Variants in ZSWIM6 observed in about 807,000 individuals in gnomAD.
The protein encoded by ZSWIM6 is zinc finger SWIM-type containing 6.
ZSWIM6 carries 9 observed loss-of-function variants against 113.2 expected under a neutral mutation model. The observed-to-expected ratio is 0.08, with a 90% CI of 0.05 to 0.14. ZSWIM6 has a LOEUF of 0.14. Ranked by LOEUF, ZSWIM6 falls within the 10% of genes least tolerant of loss-of-function variation. ZSWIM6 has a pLI of 1.00. For missense variants in ZSWIM6, 1,162 were observed against 1,552.2 expected (o/e 0.75, Z 4.22); for synonymous variants, 611 against 606.5 (o/e 1.01, Z -0.11).
intron 1 of ZSWIM6, among the ~76,000 whole-genome samples, chr5:61,380,804 A>G (rs1353559785): frequency 6.6e-6 from 1 of 152,230 alleles, no homozygotes. Flanking sequence ...TACTACAAGC[A>G]TAAAATCATT....
In ZSWIM6 at chr5:61,531,420, CA is replaced by C. The variant is rs750103963; in HGVS notation, c.1985-41del. The C allele has an allele frequency of 6.2e-5, 94 of 1,520,140 alleles. No homozygotes were observed. In the South Asian group the frequency reaches 9.5e-4, roughly 15 times the overall value. 94.2% of individuals were successfully genotyped at this position (1,520,140 alleles called of 1,614,324 possible). A position where few individuals can be genotyped will look rare whatever the true frequency, so the allele number is the denominator to read the frequency against. On this transcript the variant is annotated intron_variant, in intron 8 of 13. Coordinates refer to ENST00000252744, the MANE Select transcript of ZSWIM6 (RefSeq NM_020928.2). ...ATATTTGTACTTATCATATCATCTGCAAAAGTAGTTTCTGAGCTCTGATTTC... is the reference window on the plus strand; with the variant it reads ...ATATTTGTACTTATCATATCATCTGCAAAGTAGTTTCTGAGCTCTGATTTC...
At chr5:61,374,934 AT>A (rs200617575) in intron 1 of ZSWIM6, among the ~76,000 whole-genome samples, 21 of 151,780 alleles carry the variant, frequency 1.4e-4, no homozygotes, top group African/African-American at 4.6e-4. Context: ...GCCAACAGGA[AT>A]TTTTTTTTGG....
intron 1 of ZSWIM6, among the ~76,000 whole-genome samples, chr5:61,410,772 A>T (rs534221827): frequency 7.0e-4 from 107 of 152,330 alleles, no homozygotes; most frequent in African/African-American, 2.5e-3. Flanking sequence ...CATTTAATAC[A>T]TAGAATAGCC....
chr5:61,362,363 A>G (rs1745048369), intron 1 of ZSWIM6, among the ~76,000 whole-genome samples: 1 of 151,982 alleles, frequency 6.6e-6, no homozygotes, highest in Non-Finnish European at 1.5e-5. Flanking sequence ...CATGCTGGCT[A>G]ATTTTTGTAT....
At chr5:61,340,296 G>A (rs955714350) in intron 1 of ZSWIM6, among the ~76,000 whole-genome samples, 2 of 152,030 alleles carry the variant, frequency 1.3e-5, no homozygotes, top group African/African-American at 2.4e-5. Context: ...TTATGTCTGC[G>A]GAATTCGCTT....
chr5:61,403,703 C>G (rs945458858), intron 1 of ZSWIM6, among the ~76,000 whole-genome samples: 1 of 152,182 alleles, frequency 6.6e-6, no homozygotes, highest in Middle Eastern at 3.2e-3. Context: ...ATTCTGGAAT[C>G]GTACAAAATA....
At chr5:61,485,017 G>T (rs1481263117) in intron 2 of ZSWIM6, among the ~76,000 whole-genome samples, 1 of 152,160 alleles carries the variant, frequency 6.6e-6, no homozygotes, top group Admixed American at 6.5e-5. Context: ...CTTTAGAGTG[G>T]TTCTTAACTT....
Position 61,545,892 on chromosome 5 carries a change from T to A in ZSWIM6, c.*1575T>A, listed in dbSNP as rs1355253849. ...ATGTTTTGGTGCAAAAGTTGTCCAGTGTCTCTTGTTCCCTTCACTAGAGAA... is the reference window on the plus strand; with the variant it reads ...ATGTTTTGGTGCAAAAGTTGTCCAGAGTCTCTTGTTCCCTTCACTAGAGAA... On this transcript the variant is annotated 3_prime_UTR_variant, in exon 14 of 14. Transcript: ENST00000252744. 1.3e-5 allele frequency: 2 copies of A among 152,172 alleles called. No homozygotes were observed. Among genetic ancestry groups the A allele is most frequent in the Non-Finnish European group, 2.9e-5 (2 of 68,026 alleles). 9.4% of individuals were successfully genotyped at this position (152,172 alleles called of 1,614,324 possible). A position where few individuals can be genotyped will look rare whatever the true frequency, so the allele number is the denominator to read the frequency against.
At chr5:61,337,276 C>CT (rs1425024145) in intron 1 of ZSWIM6, among the ~76,000 whole-genome samples, 2 of 132,440 alleles carry the variant, frequency 1.5e-5, no homozygotes, top group South Asian at 2.5e-4. Context: ...GAGATTCCGT[C>CT]TCCCCCCCCA....
chr5:61,333,003 G>C (rs1490626400), intron 1 of ZSWIM6, 55 bp downstream of exon 1: 5 of 968,072 alleles, frequency 5.2e-6, no homozygotes, highest in Non-Finnish European at 6.5e-6. Context: ...CCTGGGTGGG[G>C]GGGGGGTGCC....
chr5:61,530,645 CTG>C (rs757831404), intron 8 of ZSWIM6, among the ~76,000 whole-genome samples: 5 of 152,262 alleles, frequency 3.3e-5, no homozygotes, highest in Middle Eastern at 3.4e-3. Flanking sequence ...TCATTTAAAA[CTG>C]TTTTATATCA....
intron 1 of ZSWIM6, among the ~76,000 whole-genome samples, chr5:61,363,391 A>C (rs947477224): frequency 6.6e-6 from 1 of 152,208 alleles, no homozygotes; most frequent in African/African-American, 2.4e-5. Context: ...ACCAGTTTTG[A>C]ATAGTAACAG....
intron 4 of ZSWIM6, among the ~76,000 whole-genome samples, chr5:61,502,956 G>A (rs1561267123): frequency 6.6e-6 from 1 of 151,994 alleles, no homozygotes; most frequent in African/African-American, 2.4e-5. Context: ...CACAAAGCCA[G>A]TCCCTGGTGC....
intron 9 of ZSWIM6, among the ~76,000 whole-genome samples, chr5:61,534,747 A>T (rs1375008513): frequency 1.3e-5 from 2 of 152,304 alleles, no homozygotes; most frequent in Non-Finnish European, 2.9e-5. Flanking sequence ...CAGCTCTGCC[A>T]CCACGCCTGT....
intron 12 of ZSWIM6, among the ~76,000 whole-genome samples, chr5:61,540,382 A>G (rs561685391): frequency 2.6e-5 from 4 of 152,288 alleles, no homozygotes; most frequent in South Asian, 4.1e-4. Context: ...CATTTTTCTC[A>G]TGGAATCTCT....
Position 61,332,542 on chromosome 5 carries a change from G to A in ZSWIM6, c.270G>A (p.Pro90=), listed in dbSNP as rs1198182243. 1 of 1,348,826 alleles carries A rather than the reference G, an allele frequency of 7.4e-7. No homozygotes were observed. Among genetic ancestry groups the A allele is most frequent in the Non-Finnish European group, 9.8e-7 (1 of 1,022,562 alleles). The allele number at this position is 1,348,826 out of a possible 1,614,324, so 83.6% of individuals were successfully genotyped here. ...IAARRVAEKW[P]FQRVEERFER... ...CGCGCAGGGTGGCGGAGAAGTGGCC[G>A]TTCCAGCGCGTGGAGGAGCGCTTTG... Residue 90 remains proline (P), a synonymous_variant, in exon 1 of 14, where the codon CCG becomes CCA. Coordinates refer to ENST00000252744, the MANE Select transcript of ZSWIM6 (RefSeq NM_020928.2).
At chr5:61,505,637 TCC>T (rs1362506406) in intron 4 of ZSWIM6, among the ~76,000 whole-genome samples, 4 of 100,338 alleles carry the variant, frequency 4.0e-5, no homozygotes, top group Admixed American at 2.7e-4. Context: ...CTTCCTTCCT[TCC>T]TTCCTTCCTT....
intron 4 of ZSWIM6, among the ~76,000 whole-genome samples, chr5:61,508,446 T>C (rs1239521656): frequency 6.6e-6 from 1 of 152,214 alleles, no homozygotes; most frequent in Non-Finnish European, 1.5e-5. Flanking sequence ...TTGTATTGCT[T>C]GACTTACAGC....
At chr5:61,411,272 T>C (rs1746144138) in intron 1 of ZSWIM6, among the ~76,000 whole-genome samples, 1 of 152,224 alleles carries the variant, frequency 6.6e-6, no homozygotes, top group Non-Finnish European at 1.5e-5. Flanking sequence ...AGTCTGTATT[T>C]GGACTTAAGT....
Sources: gnomAD v4.1 joint callset for allele counts (sites outside exome capture counted in the v4.1 genomes callset) on GRCh38, gnomAD v4.1.1 for gene constraint, MANE v1.5 for transcripts, NCBI Gene and HGNC (gene_info 2026-07-23, HGNC 2026-07-21) for gene names.